FAXC: variants seen among roughly 807,000 people sequenced by gnomAD.
The protein encoded by FAXC is failed axon connections homolog, metaxin like GST domain containing, also known as failed axon connections homolog.
In FAXC, 10 loss-of-function variants were observed where a neutral mutation model predicts 41.9. The observed-to-expected ratio is 0.24, with a 90% CI of 0.15 to 0.41. FAXC has a LOEUF of 0.41. Ranked by LOEUF, FAXC falls within the 10% of genes least tolerant of loss-of-function variation. The probability of loss-of-function intolerance (pLI) is 1.00; values close to 1 mark genes in which losing one functional copy is unlikely to be tolerated. For missense variants in FAXC, 399 were observed against 510.9 expected (o/e 0.78, Z 2.11); for synonymous variants, 183 against 183.8 (o/e 1.00, Z 0.03).
At chr6:99,335,725 C>T (rs1258824383) in intron 2 of FAXC, among the ~76,000 whole-genome samples, 1 of 152,202 alleles carries the variant, frequency 6.6e-6, no homozygotes, top group African/African-American at 2.4e-5. Flanking sequence ...GTAAAGATGG[C>T]CTTCCTGAGA....
At chr6:99,308,462 T>A (rs1772019684) in intron 4 of FAXC, among the ~76,000 whole-genome samples, 1 of 152,200 alleles carries the variant, frequency 6.6e-6, no homozygotes, top group South Asian at 2.1e-4. Flanking sequence ...AATTTGTGCA[T>A]CTTTTGGAGA....
intron 1 of FAXC, among the ~76,000 whole-genome samples, chr6:99,343,597 GCA>G (rs1773497414): frequency 6.6e-6 from 1 of 152,180 alleles, no homozygotes; most frequent in Non-Finnish European, 1.5e-5. Flanking sequence ...GGCAGAATGG[GCA>G]CTCAACCAAG....
intron 4 of FAXC, among the ~76,000 whole-genome samples, chr6:99,310,202 A>T (rs1277829414): frequency 6.6e-6 from 1 of 152,198 alleles, no homozygotes; most frequent in Non-Finnish European, 1.5e-5. Context: ...AGACCGAGCA[A>T]AGGTAACCTT....
At chr6:99,300,269 C>T (rs1428276987) in intron 4 of FAXC, among the ~76,000 whole-genome samples, 1 of 152,152 alleles carries the variant, frequency 6.6e-6, no homozygotes, top group East Asian at 1.9e-4. Flanking sequence ...GAACTCTGGA[C>T]ACTCAGAGAA....
At chr6:99,313,157 G>T (rs1772211530) in intron 4 of FAXC, among the ~76,000 whole-genome samples, 1 of 152,162 alleles carries the variant, frequency 6.6e-6, no homozygotes, top group African/African-American at 2.4e-5. Context: ...GCTGGGTGTG[G>T]TGGCACACGC....
intron 3 of FAXC, among the ~76,000 whole-genome samples, chr6:99,323,906 G>T (rs1772685852): frequency 1.3e-5 from 2 of 152,060 alleles, no homozygotes; most frequent in African/African-American, 4.8e-5. Context: ...AACCTTTCCT[G>T]GTACCCACCC....
chr6:99,316,517 T>A (rs1012262884), intron 4 of FAXC, among the ~76,000 whole-genome samples: 2 of 152,098 alleles, frequency 1.3e-5, no homozygotes, highest in East Asian at 3.9e-4. Context: ...TCCAAGGTTT[T>A]TGACCTACAC....
intron 4 of FAXC, chr6:99,310,047 A>C: frequency 3.0e-5 from 6 of 202,950 alleles, no homozygotes; most frequent in Non-Finnish European, 5.2e-5. Flanking sequence ...ACAATAACTC[A>C]CTCTCGGAGC....
chr6:99,336,454 A>G (rs1200168765), intron 2 of FAXC, among the ~76,000 whole-genome samples: 11 of 152,174 alleles, frequency 7.2e-5, no homozygotes, highest in Non-Finnish European at 4.4e-5. Flanking sequence ...CTCCTGGACT[A>G]TTTTTATTTA....
rs114850843 is a variant in FAXC at position 99,291,921 on chromosome 6, C to T, written c.824-101G>A. 2,338 of 875,744 alleles carry T rather than the reference C, an allele frequency of 2.7e-3. 42 individuals are homozygous for T. The African/African-American group carries it at 0.035, about 13-fold the overall frequency. 54.2% of individuals were successfully genotyped at this position (875,744 alleles called of 1,614,324 possible). A position where few individuals can be genotyped will look rare whatever the true frequency, so the allele number is the denominator to read the frequency against. On this transcript the variant is annotated intron_variant, in intron 4 of 5. Coordinates refer to ENST00000389677, the MANE Select transcript of FAXC (RefSeq NM_032511.4). ...TCTATTACATATTCCTTTACTGATA[C>T]CAAAAAGCTTTGCAGAATCGAAATA...
At chr6:99,320,036 C>T (rs146481930) in intron 4 of FAXC, among the ~76,000 whole-genome samples, 66 of 152,264 alleles carry the variant, frequency 4.3e-4, no homozygotes, top group African/African-American at 1.5e-3. Flanking sequence ...AGAACCCTCC[C>T]AAAACTACAT....
At chr6:99,333,237 C>T (rs1367594774) in intron 3 of FAXC, 114 bp downstream of exon 3, 1 of 890,640 alleles carries the variant, frequency 1.1e-6, no homozygotes, top group African/African-American at 1.7e-5. Context: ...CCACTCACTT[C>T]ATCCGAAACT....
chr6:99,327,981 T>A (rs577767731), intron 3 of FAXC, among the ~76,000 whole-genome samples: 1 of 152,192 alleles, frequency 6.6e-6, no homozygotes, highest in Non-Finnish European at 1.5e-5. Flanking sequence ...TTTGCTCCAA[T>A]GTATACAAAG....
At chr6:99,324,951 G>A (rs1415227809) in intron 3 of FAXC, among the ~76,000 whole-genome samples, 1 of 152,158 alleles carries the variant, frequency 6.6e-6, no homozygotes, top group East Asian at 1.9e-4. Context: ...AGAGGGCAAG[G>A]CAGGAGGATC....
chr6:99,280,449 C>T lies in FAXC; in HGVS notation c.*715G>A, dbSNP rs1279616111. The T allele has an allele frequency of 2.0e-5, 3 of 152,438 alleles. No individual in the cohort carries two copies. The highest frequency in any genetic ancestry group is 6.5e-5 in the Admixed American group (1 of 15,306). The allele number at this position is 152,438 out of a possible 1,614,324, so 9.4% of individuals were successfully genotyped here. On this transcript the variant is annotated 3_prime_UTR_variant, in exon 6 of 6. Transcript: ENST00000389677. ...CACCACTTCTAAGAGGTTTAAAGCG[C>T]CGTACGAATGTTACCACATGAATCC...
chr6:99,318,306 C>CACACACACACAAAA (rs147852055), intron 4 of FAXC, among the ~76,000 whole-genome samples: 14 of 135,318 alleles, frequency 1.0e-4, no homozygotes, highest in East Asian at 2.3e-4. Flanking sequence ...CACACACACA[C>CACACACACACAAAA]AAAATAGAAG....
chr6:99,325,537 T>C (rs772447501), intron 3 of FAXC, among the ~76,000 whole-genome samples: 4 of 152,242 alleles, frequency 2.6e-5, no homozygotes, highest in Non-Finnish European at 4.4e-5. Flanking sequence ...TTAATGTGTA[T>C]AGTCGGAGCA....
chr6:99,315,189 C>T (rs1159277983), intron 4 of FAXC, among the ~76,000 whole-genome samples: 2 of 129,836 alleles, frequency 1.5e-5, no homozygotes, highest in Non-Finnish European at 1.6e-5. Flanking sequence ...GCTGAGAGCA[C>T]ACTACTGCAC....
Position 99,281,118 on chromosome 6 carries a change from C to T in FAXC, c.*46G>A. On this transcript the variant is annotated 3_prime_UTR_variant, in exon 6 of 6. Transcript: ENST00000389677. The stretch of plus-strand genomic sequence containing the variant: ...TTGCTACCTGGGAAAATGGACCGAC[C>T]CAGGGAGTGGCAGGTCCCAAGGAAG... 1 of 914,738 alleles carries T rather than the reference C, an allele frequency of 1.1e-6. No individual in the cohort carries two copies. The highest frequency in any genetic ancestry group is 1.8e-6 in the Non-Finnish European group (1 of 547,888). The allele number at this position is 914,738 out of a possible 1,614,324, so 56.7% of individuals were successfully genotyped here.
Sources: allele counts gnomAD v4.1 joint callset (sites outside exome capture counted in the v4.1 genomes callset), GRCh38; gene constraint gnomAD v4.1.1; transcripts MANE v1.5; gene names NCBI Gene and HGNC (gene_info 2026-07-23, HGNC 2026-07-21).